The following NAALADL2 variants were observed in gnomAD, a reference collection of about 807,000 sequenced individuals.
The protein encoded by NAALADL2 is inactive N-acetylated-alpha-linked acidic dipeptidase-like protein 2.
In NAALADL2, 76 loss-of-function variants were observed where a neutral mutation model predicts 87.2. That is an observed-to-expected ratio of 0.87 (90% CI 0.72 to 1.05). The LOEUF (loss-of-function observed/expected upper bound fraction) is 1.05, where lower values mean the gene tolerates loss of function less well. Among genes scored for constraint, NAALADL2 ranks in the 50% least tolerant of loss-of-function variants. The pLI is 0.00. For missense variants in NAALADL2, 1,089 were observed against 945.8 expected (o/e 1.15, Z -1.99); for synonymous variants, 354 against 331.0 (o/e 1.07, Z -0.75).
At chr3:174,447,788 C>T (rs1007474524) in intron 1 of NAALADL2, among the ~76,000 whole-genome samples, 4 of 151,720 alleles carry the variant, frequency 2.6e-5, no homozygotes, top group Admixed American at 6.6e-5. Context: ...GCACTCCAGC[C>T]GGGGCAACAG....
chr3:175,650,446 T>C (rs1730613425), intron 11 of NAALADL2, among the ~76,000 whole-genome samples: 1 of 152,188 alleles, frequency 6.6e-6, no homozygotes, highest in Non-Finnish European at 1.5e-5. Flanking sequence ...TAAATTTACT[T>C]AAAATCATGA....
At chr3:175,377,620 A>G (rs1439813736) in intron 5 of NAALADL2, among the ~76,000 whole-genome samples, 1 of 152,182 alleles carries the variant, frequency 6.6e-6, no homozygotes, top group Non-Finnish European at 1.5e-5. Context: ...ACCTGTGACC[A>G]TGGCCCACAG....
At chr3:174,713,506 T>A (rs1341248658) in intron 2 of NAALADL2, among the ~76,000 whole-genome samples, 3 of 152,234 alleles carry the variant, frequency 2.0e-5, no homozygotes, top group African/African-American at 7.2e-5. Context: ...CTAACTGGTG[T>A]GAGATGATAT....
intron 2 of NAALADL2, among the ~76,000 whole-genome samples, chr3:174,616,678 G>A (rs959942983): frequency 2.0e-5 from 3 of 151,660 alleles, no homozygotes; most frequent in African/African-American, 7.3e-5. Flanking sequence ...TGTCTATTTG[G>A]GAACAGCTAA....
chr3:175,780,656 A>G (rs1750926114), intron 13 of NAALADL2, among the ~76,000 whole-genome samples: 1 of 152,188 alleles, frequency 6.6e-6, no homozygotes, highest in Non-Finnish European at 1.5e-5. Flanking sequence ...AATTGATATC[A>G]CTGTATCTCA....
intron 3 of NAALADL2, among the ~76,000 whole-genome samples, chr3:175,238,013 T>A (rs187622987): frequency 2.5e-4 from 38 of 152,318 alleles, no homozygotes; most frequent in African/African-American, 8.9e-4. Flanking sequence ...ATTTATTTTT[T>A]AAAAAGTTAA....
At chr3:174,703,297 G>A (rs892287765) in intron 2 of NAALADL2, among the ~76,000 whole-genome samples, 1 of 147,220 alleles carries the variant, frequency 6.8e-6, no homozygotes, top group Non-Finnish European at 1.5e-5. Context: ...ATGCTACCAT[G>A]CCTGGCTTTT....
intron 2 of NAALADL2, among the ~76,000 whole-genome samples, chr3:174,663,129 A>C (rs1352009806): frequency 6.6e-6 from 1 of 152,190 alleles, no homozygotes; most frequent in Non-Finnish European, 1.5e-5. Flanking sequence ...TAAAAACATA[A>C]ATTTACTTGA....
At chr3:175,474,003 C>G (rs554948376) in intron 9 of NAALADL2, among the ~76,000 whole-genome samples, 1 of 152,122 alleles carries the variant, frequency 6.6e-6, no homozygotes, top group Admixed American at 6.6e-5. Context: ...AGAGGTTGTA[C>G]GAATTTACAT....
chr3:175,166,465 C>T (rs572984442), intron 2 of NAALADL2, among the ~76,000 whole-genome samples: 1 of 152,192 alleles, frequency 6.6e-6, no homozygotes, highest in African/African-American at 2.4e-5. Context: ...TAATGGAAAT[C>T]TTTCCGTCTT....
intron 11 of NAALADL2, among the ~76,000 whole-genome samples, chr3:175,695,594 G>T (rs1737667771): frequency 1.3e-5 from 2 of 152,074 alleles, no homozygotes; most frequent in Admixed American, 1.3e-4. Context: ...GGTCCATTTA[G>T]TACTATTTGT....
intron 3 of NAALADL2, among the ~76,000 whole-genome samples, chr3:174,816,593 C>A (rs1042384691): frequency 1.3e-5 from 2 of 150,050 alleles, no homozygotes; most frequent in Non-Finnish European, 3.0e-5. Context: ...CTTCAATAAT[C>A]TGAAATATGA....
intron 12 of NAALADL2, among the ~76,000 whole-genome samples, chr3:175,753,759 C>T (rs903888968): frequency 2.0e-5 from 3 of 152,222 alleles, no homozygotes; most frequent in Admixed American, 2.0e-4. Flanking sequence ...AACTGGTAAC[C>T]CTTGGACTTT....
At chr3:174,522,923 G>A (rs574362311) in intron 1 of NAALADL2, among the ~76,000 whole-genome samples, 1 of 112,758 alleles carries the variant, frequency 8.9e-6, no homozygotes, top group African/African-American at 3.4e-5. Flanking sequence ...GAAAGAGCGA[G>A]ACTCTGTCTC....
intron 12 of NAALADL2, among the ~76,000 whole-genome samples, chr3:175,749,653 C>A (rs1465921310): frequency 6.6e-6 from 1 of 152,218 alleles, no homozygotes; most frequent in Admixed American, 6.5e-5. Flanking sequence ...AAAGGCTCCA[C>A]CTTCCAATGC....
At chr3:175,599,088 C>T (rs566113124) in intron 10 of NAALADL2, among the ~76,000 whole-genome samples, 6 of 152,198 alleles carry the variant, frequency 3.9e-5, no homozygotes, top group Admixed American at 6.5e-5. Flanking sequence ...GTGGCAATAA[C>T]ATATTAGCAA....
At chr3:175,673,656 T>G (rs1023075702) in intron 11 of NAALADL2, among the ~76,000 whole-genome samples, 1 of 152,106 alleles carries the variant, frequency 6.6e-6, no homozygotes. Context: ...AAGAAAACTG[T>G]GAACAATTTC....
chr3:175,361,964 T>C (rs200125476), intron 5 of NAALADL2, among the ~76,000 whole-genome samples: 1 of 148,012 alleles, frequency 6.8e-6, no homozygotes, highest in Middle Eastern at 3.4e-3. Context: ...CTGAATGGTA[T>C]TGCCTAGGTT....
In NAALADL2 at chr3:175,483,814, C is replaced by T. The variant is rs142969686; in HGVS notation, c.1653+12056C>T. On this transcript the variant is annotated intron_variant, in intron 9 of 13. Transcript: ENST00000454872. ...GAAGGGAAAATAAGTATTAGTTTGA[C>T]GCAAACGTAATTGCTGGTTTTGCCA... is the stretch of plus-strand genomic sequence containing the variant. 2.1e-3 allele frequency among the ~76,000 whole-genome samples: 326 copies of T among 152,132 alleles called. 1 individual carries two copies. The highest frequency in any genetic ancestry group is 3.3e-3 in the South Asian group (16 of 4,820).
Sources: gnomAD v4.1 joint callset for allele counts (sites outside exome capture counted in the v4.1 genomes callset) on GRCh38, gnomAD v4.1.1 for gene constraint, MANE v1.5 for transcripts, NCBI Gene and HGNC (gene_info 2026-07-23, HGNC 2026-07-21) for gene names.